The following FGA variants were observed in gnomAD, a reference collection of about 807,000 sequenced individuals.
FGA encodes the protein fibrinogen, A alpha polypeptide.
In FGA, 20 loss-of-function variants were observed where a neutral mutation model predicts 20.3. The ratio of observed to expected loss-of-function variants is 0.99; its 90% CI spans 0.69 to 1.43. FGA has a LOEUF of 1.43. Among genes scored for constraint, FGA ranks in the 40% most tolerant of loss-of-function variants. FGA has a pLI of 0.00. For missense variants in FGA, 777 were observed against 784.7 expected, an observed-to-expected ratio of 0.99 and a Z score of 0.12; for synonymous variants, 306 against 281.6, an observed-to-expected ratio of 1.09 and a Z score of -0.87.
At position 154,586,715 on chromosome 4, in the gene FGA, C is replaced by G. The variant is rs1730732805; in HGVS notation, c.714G>C (p.Lys238Asn). The change falls in exon 5 of 5, where the codon AAG (lysine) becomes AAC (asparagine). Residue 238 changes from lysine (K) to asparagine (N), a missense_variant. Coordinates refer to ENST00000403106, the MANE Select transcript of FGA (RefSeq NM_021871.4). ...CTGGGGGTACCTTCTGAAGCTGGCT[C>G]TTAAAATTTCCGGGAACCAAGTCTG... The part of the protein sequence containing the change: ...PVPDLVPGNF[K>N]SQLQKVPPEW... The G allele has an allele frequency of 1.2e-6, 2 of 1,614,102 alleles. No individual in the cohort carries two copies. The highest frequency in any genetic ancestry group is 1.7e-5 in the Admixed American group (1 of 60,012).
chr4:154,584,647 T>C (rs1264728116), downstream of FGA: 1 of 1,614,144 alleles, frequency 6.2e-7, no homozygotes, highest in African/African-American at 1.3e-5. Context: ...GAAACCTCTC[T>C]TGTAGTCTTG....
chr4:154,586,032 G>A lies in FGA; in HGVS notation c.1397C>T (p.Thr466Ile). 6.2e-7 allele frequency: 1 copy of A among 1,614,162 alleles called. No individual in the cohort carries two copies. The highest frequency in any genetic ancestry group is 8.5e-7 in the Non-Finnish European group (1 of 1,180,016). The change falls in exon 5 of 5, where the codon ACT becomes ATT. Residue 466 changes from threonine to isoleucine, a missense_variant. Coordinates refer to ENST00000403106, the MANE Select transcript of FGA (RefSeq NM_021871.4). ...ACCATCAGGACCAATAACAGTCTTA[G>A]TAACGGTTTTAGAGCATGAACGACG... ...TTRRSCSKTV[T>I]KTVIGPDGHK... is the part of the protein sequence containing the mutation.
rs371971451 is a variant in FGA at position 154,589,587 on chromosome 4, A to C, written c.55-25T>G. On this transcript the variant is annotated intron_variant, in intron 1 of 4. Transcript: ENST00000403106. ...TCTTTAAAGATTCATTCACATACAC[A>C]AAAGAGAGCAACAGCAATGTTAGCC... The C allele has an allele frequency of 6.8e-6, 11 of 1,609,996 alleles. No individual in the cohort carries two copies. In the African/African-American group the frequency reaches 1.3e-4, roughly 20 times the overall value.
At chr4:154,587,679 T>A (rs372831271) in intron 3 of FGA, 22 bp from the exon 4 acceptor site, 2 of 1,609,818 alleles carry the variant, frequency 1.2e-6, no homozygotes. Context: ...AATATGGTTA[T>A]TGAAGTAGCT....
chr4:154,586,841 G>A lies in FGA; in HGVS notation c.588C>T (p.Asp196=). The A allele has an allele frequency of 6.2e-7, 1 of 1,614,060 alleles. No homozygotes were observed. The highest frequency in any genetic ancestry group is 8.5e-7 in the Non-Finnish European group (1 of 1,179,980). The change falls in exon 5 of 5, where the codon GAC becomes GAT. Residue 196 remains aspartate, a synonymous_variant. Coordinates refer to ENST00000403106, the MANE Select transcript of FGA (RefSeq NM_021871.4). ...CAAGTTGCTTCTGCTGATCTTCATAGTCCTTCAGATCTACTTCACGAGCTA... is the reference window on the plus strand; with the variant it reads ...CAAGTTGCTTCTGCTGATCTTCATAATCCTTCAGATCTACTTCACGAGCTA... ...RALAREVDLK[D]YEDQQKQLEQ...
downstream of FGA, chr4:154,584,042 A>C: frequency 9.8e-7 from 1 of 1,018,564 alleles, no homozygotes; most frequent in South Asian, 1.4e-5. Context: ...GTTGTAGAGA[A>C]TCTCAACTGC....
rs778832765 is a variant in FGA, at chr4:154,587,646, T to C, written c.376A>G (p.Thr126Ala). 4.3e-6 allele frequency: 7 copies of C among 1,613,838 alleles called. No homozygotes were observed. The highest frequency in any genetic ancestry group is 2.5e-6 in the Non-Finnish European group (3 of 1,179,908). ...DFSSANNRDN[T>A]YNRVSEDLRS... ...AGATCCTCTGACACTCGGTTGTAGG[T>C]ATTATCACGGTCTGAAATCGAAAAT... Residue 126 changes from threonine (T) to alanine (A), a missense_variant, in exon 4 of 5, where the codon ACC becomes GCC. By Grantham distance (58) the Thr-to-Ala change is moderately conservative. Transcript: ENST00000403106.
intron 3 of FGA, 86 bp downstream of exon 3, chr4:154,588,707 G>T (rs985370149): frequency 5.0e-6 from 5 of 991,378 alleles, no homozygotes; most frequent in Non-Finnish European, 8.1e-6. Context: ...GGATGAAATT[G>T]TCATAGATAT....
Position 154,586,718 on chromosome 4 carries a change from A to G in FGA, c.711T>C (p.Phe237=), listed in dbSNP as rs148886244. 2.5e-5 allele frequency: 40 copies of G among 1,614,202 alleles called. No homozygotes were observed. The African/African-American group carries it at 2.7e-4, about 11-fold the overall frequency. Residue 237 remains phenylalanine (F), a synonymous_variant, in exon 5 of 5, where the codon TTT becomes TTC. Transcript: ENST00000403106. The part of the protein sequence containing the change: ...KPVPDLVPGN[F]KSQLQKVPPE... Reference sequence around the variant, plus strand: ...GGGGTACCTTCTGAAGCTGGCTCTTAAAATTTCCGGGAACCAAGTCTGGAA... The same window carrying G: ...GGGGTACCTTCTGAAGCTGGCTCTTGAAATTTCCGGGAACCAAGTCTGGAA...
Position 154,588,880 on chromosome 4 carries a change from A to T in FGA, c.277T>A (p.Phe93Ile). Reference protein sequence around the residue: ...NRINKLKNSLFEYQKNNKDSH... With the variant: ...NRINKLKNSLIEYQKNNKDSH... ...TCCTTATTGTTCTTCTGATATTCAAATAGTGAATTTTTGAGCTTATTTATT... is the reference window on the plus strand; with the variant it reads ...TCCTTATTGTTCTTCTGATATTCAATTAGTGAATTTTTGAGCTTATTTATT... The change falls in exon 3 of 5, where the codon TTT (phenylalanine) becomes ATT (isoleucine). Residue 93 changes from phenylalanine (F) to isoleucine (I), a missense_variant. Coordinates refer to ENST00000403106, the MANE Select transcript of FGA (RefSeq NM_021871.4). The T allele has an allele frequency of 6.2e-7, 1 of 1,611,432 alleles. No homozygotes were observed. Among genetic ancestry groups the T allele is most frequent in the Non-Finnish European group, 8.5e-7 (1 of 1,177,820 alleles).
chr4:154,585,816 C>T lies in FGA; in HGVS notation c.1613G>A (p.Gly538Glu), dbSNP rs1248469419. ...AGACTCAGTCTCACTGACAAACTCT[C>T]CTAACATAGGTGAGAAGAAACCTGG... ...TFPGFFSPML[G>E]EFVSETESRG... is the part of the protein sequence containing the mutation. The change falls in exon 5 of 5, where the codon GGA becomes GAA. Residue 538 changes from glycine (G) to glutamate (E), a missense_variant. By Grantham distance (98) the Gly-to-Glu change is moderately conservative. Coordinates refer to ENST00000403106, the MANE Select transcript of FGA (RefSeq NM_021871.4). 2 of 1,614,158 alleles carry T rather than the reference C, an allele frequency of 1.2e-6. No individual in the cohort carries two copies. The highest frequency in any genetic ancestry group is 8.5e-7 in the Non-Finnish European group (1 of 1,180,024).
downstream of FGA, chr4:154,584,095 C>T (rs771358313): frequency 1.3e-6 from 2 of 1,549,872 alleles, no homozygotes; most frequent in Non-Finnish European, 8.9e-7. Context: ...GCAAAGAAGA[C>T]AGAGTGCTCC....
chr4:154,589,092 C>A, intron 2 of FGA, 116 bp from the exon 3 acceptor site: 1 of 948,764 alleles, frequency 1.1e-6, no homozygotes, highest in South Asian at 1.4e-5. Flanking sequence ...GATAAGTTGG[C>A]TTAAAAGTAG....
At chr4:154,584,531 C>A (rs772041960), downstream of FGA, 7 of 1,614,150 alleles carry the variant, frequency 4.3e-6, 1 homozygote, top group South Asian at 7.7e-5. Flanking sequence ...TCATTCCCAG[C>A]CCAGTCCTCT....
chr4:154,583,884 G>GTA (rs1034232290), downstream of FGA: 7 of 520,496 alleles, frequency 1.3e-5, no homozygotes, highest in African/African-American at 1.3e-4. Flanking sequence ...ATGGCCCTTG[G>GTA]TATATCTTTA....
Position 154,590,726 on chromosome 4 carries a change from A to G in FGA, c.-39T>C. The G allele has an allele frequency of 1.3e-6, 2 of 1,484,308 alleles. No homozygotes were observed. The highest frequency in any genetic ancestry group is 1.8e-6 in the Non-Finnish European group (2 of 1,085,542). 91.9% of individuals were successfully genotyped at this position (1,484,308 alleles called of 1,614,324 possible). ...GGGGCTGGCTCCTGAGGAGCACTCC[A>G]GCTGAAAGAAAGGATTGCTGCCACT... On this transcript the variant is annotated 5_prime_UTR_variant, in exon 1 of 5. Coordinates refer to ENST00000403106, the MANE Select transcript of FGA (RefSeq NM_021871.4).
rs1160448813 is a variant in FGA, at chr4:154,585,466, A to C, written c.*28T>G. 1 of 1,429,548 alleles carries C rather than the reference A, an allele frequency of 7.0e-7. No individual in the cohort carries two copies. The highest frequency in any genetic ancestry group is 1.7e-5 in the Admixed American group (1 of 59,468). The allele number at this position is 1,429,548 out of a possible 1,614,324, so 88.6% of individuals were successfully genotyped here. On this transcript the variant is annotated 3_prime_UTR_variant, in exon 5 of 5. Transcript: ENST00000403106. ...AGAAGGAAATGCAAGGGGCCATGGG[A>C]ACACTGTGCAGAAATATTTAACTTA...
chr4:154,588,766 T>G (rs1362960820), intron 3 of FGA, 27 bp downstream of exon 3: 1 of 1,521,698 alleles, frequency 6.6e-7, no homozygotes, highest in Non-Finnish European at 9.1e-7. Flanking sequence ...TGTTATAAAG[T>G]CAAAGCAGTA....
At chr4:154,584,566 C>G, downstream of FGA, 4 of 1,614,160 alleles carry the variant, frequency 2.5e-6, no homozygotes, top group Non-Finnish European at 3.4e-6. Flanking sequence ...AACAGAGCCC[C>G]TTTGGGTTAG....
Sources: gnomAD v4.1 joint callset for allele counts on GRCh38, gnomAD v4.1.1 for gene constraint, MANE v1.5 for transcripts, NCBI Gene and HGNC (gene_info 2026-07-23, HGNC 2026-07-21) for gene names.